CREM: variants seen among roughly 807,000 people sequenced by gnomAD.
CREM encodes cAMP responsive element modulator, also known as cAMP-responsive element modulator.
A neutral mutation model predicts 37.3 loss-of-function variants in CREM; 13 were observed. That is an observed-to-expected ratio of 0.35 (90% CI 0.23 to 0.55). The LOEUF (loss-of-function observed/expected upper bound fraction) is 0.55, where lower values mean the gene tolerates loss of function less well. Ranked by LOEUF, CREM falls within the 20% of genes least tolerant of loss-of-function variation. The pLI is 0.88. For missense variants in CREM, 296 were observed against 362.3 expected (o/e 0.82, Z 1.49); for synonymous variants, 124 against 120.2 (o/e 1.03, Z -0.21).
At chr10:35,139,941 T>G (rs544408219) in intron 2 of CREM, among the ~76,000 whole-genome samples, 4 of 152,242 alleles carry the variant, frequency 2.6e-5, no homozygotes, top group Non-Finnish European at 5.9e-5. Context: ...GGTACAGTGC[T>G]TGACCCATGT....
chr10:35,175,846 T>C, intron 3 of CREM: 3 of 1,589,380 alleles, frequency 1.9e-6, no homozygotes, highest in Non-Finnish European at 2.6e-6. Context: ...GGTGATCATT[T>C]TGGCAGGTTT....
intron 6 of CREM, among the ~76,000 whole-genome samples, chr10:35,206,642 T>TAA (rs2095531306): frequency 6.6e-6 from 1 of 152,214 alleles, no homozygotes; most frequent in Admixed American, 6.5e-5. Flanking sequence ...TTGCCTTTGA[T>TAA]AAAAACCTGT....
At chr10:35,154,867 G>A (rs1011262814) in intron 3 of CREM, among the ~76,000 whole-genome samples, 1 of 152,114 alleles carries the variant, frequency 6.6e-6, no homozygotes, top group African/African-American at 2.4e-5. Flanking sequence ...GTTAATATTA[G>A]TAACCAACTT....
intron 3 of CREM, among the ~76,000 whole-genome samples, chr10:35,164,136 G>C (rs1361197389): frequency 6.6e-6 from 1 of 151,994 alleles, no homozygotes; most frequent in Non-Finnish European, 1.5e-5. Flanking sequence ...TAAGTATTAA[G>C]ACTAATCATT....
chr10:35,164,906 CTG>C (rs2093464431), intron 3 of CREM, among the ~76,000 whole-genome samples: 1 of 151,906 alleles, frequency 6.6e-6, no homozygotes, highest in Non-Finnish European at 1.5e-5. Flanking sequence ...CAAAAATCAG[CTG>C]GGCATGGTGG....
At chr10:35,134,638 C>A (rs2090122454) in intron 1 of CREM, among the ~76,000 whole-genome samples, 1 of 152,158 alleles carries the variant, frequency 6.6e-6, no homozygotes, top group Non-Finnish European at 1.5e-5. Flanking sequence ...AATATATAAT[C>A]CCATATTCAG....
At chr10:35,194,029 G>A (rs910795851) in intron 6 of CREM, among the ~76,000 whole-genome samples, 2 of 147,672 alleles carry the variant, frequency 1.4e-5, no homozygotes, top group Admixed American at 6.8e-5. Context: ...CCCAGGAGGC[G>A]GAGGTTGCAG....
rs1589146914 is a variant in CREM at position 35,130,261 on chromosome 10, A to G, written c.-55+3068A>G. The stretch of plus-strand genomic sequence containing the variant: ...GTATCTCATTACACAATAGGTAGAA[A>G]TGAACATTTTAAATAATTATGTTAA... On this transcript the variant is annotated intron_variant, in intron 1 of 7. Transcript: ENST00000685392. 2.0e-5 allele frequency among the ~76,000 whole-genome samples: 3 copies of G among 152,178 alleles called. No individual in the cohort carries two copies. In the East Asian group the frequency reaches 5.8e-4, roughly 29 times the overall value.
intron 2 of CREM, among the ~76,000 whole-genome samples, chr10:35,144,953 A>G (rs1446701708): frequency 6.6e-6 from 1 of 151,882 alleles, no homozygotes; most frequent in Non-Finnish European, 1.5e-5. Flanking sequence ...TGAGGCCAGG[A>G]GTTGGAGACC....
chr10:35,195,841 G>T (rs1035645356), intron 6 of CREM: 4 of 551,324 alleles, frequency 7.3e-6, no homozygotes, highest in African/African-American at 3.8e-5. Flanking sequence ...AACTCCAAGC[G>T]AGCTGCACAT....
intron 3 of CREM, among the ~76,000 whole-genome samples, chr10:35,172,078 G>C: frequency 6.6e-6 from 1 of 152,202 alleles, no homozygotes; most frequent in East Asian, 1.9e-4. Flanking sequence ...TTCCTGAGCT[G>C]ATGGGATAGA....
chr10:35,151,252 T>C (rs2092580569), intron 3 of CREM, among the ~76,000 whole-genome samples: 1 of 152,272 alleles, frequency 6.6e-6, no homozygotes, highest in Admixed American at 6.5e-5. Flanking sequence ...TAATGTTGTA[T>C]GCTAATAAAT....
chr10:35,194,637 G>A (rs139504389), intron 6 of CREM, among the ~76,000 whole-genome samples: 1 of 152,090 alleles, frequency 6.6e-6, no homozygotes, highest in East Asian at 1.9e-4. Flanking sequence ...TGTAGCAAAT[G>A]GCTCAGCAAA....
At chr10:35,187,174 TATTAA>T (rs1564922913) in intron 5 of CREM, among the ~76,000 whole-genome samples, 153 of 42,626 alleles carry the variant, frequency 3.6e-3, no homozygotes, top group Non-Finnish European at 5.9e-3. Context: ...TATATATTAA[TATTAA>T]TATATAAATA....
At chr10:35,153,700 A>T (rs950611723) in intron 3 of CREM, among the ~76,000 whole-genome samples, 4 of 152,132 alleles carry the variant, frequency 2.6e-5, no homozygotes, top group Admixed American at 1.3e-4. Context: ...AAGCTAAATA[A>T]CTCTTCTTTA....
chr10:35,206,243 G>A (rs1002126070), intron 6 of CREM, among the ~76,000 whole-genome samples: 1 of 145,260 alleles, frequency 6.9e-6, no homozygotes, highest in Admixed American at 6.9e-5. Context: ...GCGAGACTCC[G>A]TCTCAAAAAA....
chr10:35,173,546 T>C (rs948359775), intron 3 of CREM, among the ~76,000 whole-genome samples: 1 of 152,244 alleles, frequency 6.6e-6, no homozygotes, highest in Non-Finnish European at 1.5e-5. Flanking sequence ...CACATACTTA[T>C]TATTTTAAAA....
intron 3 of CREM, among the ~76,000 whole-genome samples, chr10:35,149,889 A>AACAC (rs55971717): frequency 0.098 from 10,989 of 111,674 alleles, 631 homozygotes; most frequent in Middle Eastern, 0.14. Flanking sequence ...CTTTTGCTTA[A>AACAC]ACACACACAC....
chr10:35,146,248 A>G (rs1221019026), intron 2 of CREM, among the ~76,000 whole-genome samples: 1 of 152,242 alleles, frequency 6.6e-6, no homozygotes, highest in Non-Finnish European at 1.5e-5. Context: ...GCACAAGACA[A>G]CATTTCCCAG....
Sources: gnomAD v4.1 joint callset for allele counts (sites outside exome capture counted in the v4.1 genomes callset) on GRCh38, gnomAD v4.1.1 for gene constraint, MANE v1.5 for transcripts, NCBI Gene and HGNC (gene_info 2026-07-23, HGNC 2026-07-21) for gene names.